LEPR: variants seen among roughly 807,000 people sequenced by gnomAD.
LEPR encodes the protein leptin receptor.
A neutral mutation model predicts 114.7 loss-of-function variants in LEPR; 56 were observed. That is an observed-to-expected ratio of 0.49 (90% CI 0.39 to 0.61). The LOEUF is 0.61. LEPR is among the 20% of genes least tolerant of loss of function. The pLI, the probability that LEPR is intolerant of heterozygous loss-of-function variation, is 0.00. For missense variants in LEPR, 1,202 were observed against 1,352.9 expected (o/e 0.89, Z 1.75); for synonymous variants, 443 against 461.4 (o/e 0.96, Z 0.51).
chr1:65,514,903 C>A (rs1649209295), intron 2 of LEPR, among the ~76,000 whole-genome samples: 1 of 152,204 alleles, frequency 6.6e-6, no homozygotes, highest in Non-Finnish European at 1.5e-5. Flanking sequence ...TAAGACATAA[C>A]ATTTGCCCTC....
chr1:65,590,896 T>C (rs1237407761), intron 5 of LEPR, among the ~76,000 whole-genome samples: 3 of 145,268 alleles, frequency 2.1e-5, no homozygotes, highest in South Asian at 2.2e-4. Context: ...TTTTTTTTTT[T>C]CCTAGTTTGT....
chr1:65,604,430 C>T (rs551741375), intron 10 of LEPR, among the ~76,000 whole-genome samples: 4 of 152,142 alleles, frequency 2.6e-5, no homozygotes, highest in Admixed American at 6.5e-5. Context: ...CTGCAACCTC[C>T]GCCTCCCCAG....
In LEPR at chr1:65,609,814, G is replaced by A. The variant is rs899347096; in HGVS notation, c.1753-133G>A. 7.6e-5 allele frequency: 97 copies of A among 1,277,004 alleles called. No individual in the cohort carries two copies. In the African/African-American group the frequency reaches 1.4e-3, roughly 18 times the overall value. 79.1% of individuals were successfully genotyped at this position (1,277,004 alleles called of 1,614,324 possible). A position where few individuals can be genotyped will look rare whatever the true frequency, so the allele number is the denominator to read the frequency against. On this transcript the variant is annotated intron_variant, in intron 12 of 19. Coordinates refer to ENST00000349533, the MANE Select transcript of LEPR (RefSeq NM_002303.6). The stretch of plus-strand genomic sequence containing the variant: ...TCCAAGCCTAATTGTGACTATTTCT[G>A]AAGGCAGAGAACACAGAATCAGTTC...
At chr1:65,569,039 G>A (rs1653969013) in intron 3 of LEPR, among the ~76,000 whole-genome samples, 1 of 151,850 alleles carries the variant, frequency 6.6e-6, no homozygotes. Flanking sequence ...TTCTTGTTGA[G>A]TTGTTTGAGT....
chr1:65,629,986 C>T (rs922990415), intron 19 of LEPR, among the ~76,000 whole-genome samples: 4 of 152,098 alleles, frequency 2.6e-5, no homozygotes, highest in East Asian at 1.9e-4. Context: ...AAGAAGTATG[C>T]GATAAGTCTC....
At chr1:65,424,815 G>A (rs1646326780) in intron 1 of LEPR, among the ~76,000 whole-genome samples, 1 of 151,986 alleles carries the variant, frequency 6.6e-6, no homozygotes, top group Admixed American at 6.5e-5. Context: ...TCTTATAAGG[G>A]CACTCATCCC....
chr1:65,614,008 A>G (rs1244451273), intron 14 of LEPR, among the ~76,000 whole-genome samples: 2 of 152,148 alleles, frequency 1.3e-5, no homozygotes, highest in Non-Finnish European at 2.9e-5. Flanking sequence ...GAAATGCAAA[A>G]TGGTACAGCC....
chr1:65,609,638 G>A (rs1657039571), intron 12 of LEPR, among the ~76,000 whole-genome samples: 1 of 152,204 alleles, frequency 6.6e-6, no homozygotes, highest in African/African-American at 2.4e-5. Context: ...AAACATCTTT[G>A]TGGGTAGAGG....
At chr1:65,512,388 C>T (rs146921602) in intron 2 of LEPR, among the ~76,000 whole-genome samples, 1 of 152,150 alleles carries the variant, frequency 6.6e-6, no homozygotes, top group Non-Finnish European at 1.5e-5. Context: ...GGAATAGCTG[C>T]GTGATGAAGG....
chr1:65,515,866 A>G (rs906318718), intron 2 of LEPR, among the ~76,000 whole-genome samples: 2 of 152,240 alleles, frequency 1.3e-5, no homozygotes, highest in Non-Finnish European at 2.9e-5. Context: ...TGAAATTTAA[A>G]GAAAAAATTG....
At chr1:65,545,724 T>TG (rs1651650025) in intron 2 of LEPR, among the ~76,000 whole-genome samples, 1 of 152,202 alleles carries the variant, frequency 6.6e-6, no homozygotes, top group African/African-American at 2.4e-5. Context: ...GTCAGATGAG[T>TG]AGTTTGTGAA....
intron 2 of LEPR, among the ~76,000 whole-genome samples, chr1:65,489,477 T>C (rs1212888758): frequency 6.6e-6 from 1 of 152,182 alleles, no homozygotes; most frequent in East Asian, 1.9e-4. Context: ...TTGATTTTCC[T>C]CCTATAGAGT....
At chr1:65,431,262 CT>C (rs1282059193) in intron 2 of LEPR, among the ~76,000 whole-genome samples, 2 of 152,164 alleles carry the variant, frequency 1.3e-5, no homozygotes, top group African/African-American at 4.8e-5. Flanking sequence ...TGATGTTTCT[CT>C]TGCTTAAAGT....
At chr1:65,519,528 A>AT (rs1649522532) in intron 2 of LEPR, among the ~76,000 whole-genome samples, 1 of 151,878 alleles carries the variant, frequency 6.6e-6, no homozygotes, top group Non-Finnish European at 1.5e-5. Flanking sequence ...GGTAATATAT[A>AT]TTTTTCTCTA....
intron 2 of LEPR, among the ~76,000 whole-genome samples, chr1:65,502,859 T>G: frequency 1.4e-5 from 2 of 143,182 alleles, no homozygotes; most frequent in Non-Finnish European, 1.5e-5. Flanking sequence ...GGGGGGAGAG[T>G]AACATGTCAG....
intron 3 of LEPR, among the ~76,000 whole-genome samples, chr1:65,567,366 A>G (rs1334379380): frequency 6.6e-6 from 1 of 152,236 alleles, no homozygotes; most frequent in Non-Finnish European, 1.5e-5. Context: ...AATTAGTAAT[A>G]TTACATATTC....
intron 4 of LEPR, 66 bp from the exon 5 acceptor site, chr1:65,572,260 T>C: frequency 1.4e-6 from 2 of 1,467,808 alleles, no homozygotes; most frequent in East Asian, 2.6e-5. Context: ...CACTGAGTTG[T>C]TCAGATGGTT....
At chr1:65,553,571 A>G (rs1007565145) in intron 2 of LEPR, among the ~76,000 whole-genome samples, 1 of 151,926 alleles carries the variant, frequency 6.6e-6, no homozygotes, top group Non-Finnish European at 1.5e-5. Context: ...CCATCAGGTC[A>G]TTTATGTTCT....
In LEPR at chr1:65,507,437, TTGTGTGTG is replaced by T. The variant is rs141990947; in HGVS notation, c.-20-58093_-20-58086del. Among the ~76,000 whole-genome samples, 8 of 138,776 alleles carry T rather than the reference TTGTGTGTG, an allele frequency of 5.8e-5. No individual in the cohort carries two copies. In the South Asian group the frequency reaches 7.1e-4, roughly 12 times the overall value. 91.0% of individuals were successfully genotyped at this position (138,776 alleles called of 152,430 possible). On this transcript the variant is annotated intron_variant, in intron 2 of 19. Coordinates refer to ENST00000349533, the MANE Select transcript of LEPR (RefSeq NM_002303.6). ...TTTTAAAATGCTGAATAGTATTCCATTGTGTGTGTGTGTGTGTGTGTGTATATATATAT... is the reference window on the plus strand; with the variant it reads ...TTTTAAAATGCTGAATAGTATTCCATTGTGTGTGTGTGTGTATATATATAT...
Sources: gnomAD v4.1 joint callset for allele counts (sites outside exome capture counted in the v4.1 genomes callset) on GRCh38, gnomAD v4.1.1 for gene constraint, MANE v1.5 for transcripts, NCBI Gene and HGNC (gene_info 2026-07-23, HGNC 2026-07-21) for gene names.